The following WIPF1 variants were observed in gnomAD, a reference collection of about 807,000 sequenced individuals.
WIPF1 encodes WAS/WASL interacting protein family member 1.
Under a neutral mutation model 35.4 loss-of-function variants are expected in WIPF1, and 13 were observed. The ratio of observed to expected loss-of-function variants is 0.37; its 90% CI spans 0.24 to 0.58. WIPF1 has a LOEUF of 0.58. Ranked by LOEUF, WIPF1 falls within the 20% of genes least tolerant of loss-of-function variation. The probability of loss-of-function intolerance (pLI) is 0.74; values close to 1 mark genes in which losing one functional copy is unlikely to be tolerated. For synonymous variants in WIPF1, 267 were observed against 266.3 expected (o/e 1.00, Z -0.02); for missense variants, 591 against 667.0 (o/e 0.89, Z 1.25).
Position 174,585,685 on chromosome 2 carries a change from C to T in WIPF1, c.-38-74G>A, listed in dbSNP as rs895481762. ...CTGTCCTAATCTGTCTTCACTTTCCCACCAAAGTGACAGCTCCACCTAGCT... is the reference window on the plus strand; with the variant it reads ...CTGTCCTAATCTGTCTTCACTTTCCTACCAAAGTGACAGCTCCACCTAGCT... On this transcript the variant is annotated intron_variant, in intron 1 of 7. Coordinates refer to ENST00000679041, the MANE Select transcript of WIPF1 (RefSeq NM_001375834.1). 2.1e-5 allele frequency: 23 copies of T among 1,096,940 alleles called. No individual in the cohort carries two copies. The Admixed American group carries it at 3.4e-4, about 16-fold the overall frequency. The allele number at this position is 1,096,940 out of a possible 1,614,324, so 68.0% of individuals were successfully genotyped here.
intron 7 of WIPF1, among the ~76,000 whole-genome samples, chr2:174,562,917 C>G (rs1684525600): frequency 6.6e-6 from 1 of 152,092 alleles, no homozygotes; most frequent in Non-Finnish European, 1.5e-5. Context: ...AAGAACTCAC[C>G]CATTCCTCCA....
At chr2:174,677,540 T>C (rs1477944478) in intron 1 of WIPF1, among the ~76,000 whole-genome samples, 1 of 152,158 alleles carries the variant, frequency 6.6e-6, no homozygotes, top group African/African-American at 2.4e-5. Flanking sequence ...AATCAGCAAA[T>C]GGAGAAGAGA....
chr2:174,673,677 T>G (rs1688067627), intron 1 of WIPF1: 1 of 152,280 alleles, frequency 6.6e-6, no homozygotes, highest in African/African-American at 2.4e-5. Context: ...TTTGGCAGAA[T>G]GTACGCACTT....
intron 1 of WIPF1, chr2:174,625,591 G>A (rs1459322207): frequency 3.3e-5 from 5 of 152,200 alleles, no homozygotes; most frequent in Admixed American, 6.5e-5. Flanking sequence ...TAGGCTGGTG[G>A]AGGGTCCAAT....
chr2:174,678,797 C>T (rs530154593), intron 1 of WIPF1, among the ~76,000 whole-genome samples: 1 of 152,378 alleles, frequency 6.6e-6, no homozygotes, highest in East Asian at 1.9e-4. Context: ...TAAGCAGATA[C>T]TGCGGGCTGG....
intron 1 of WIPF1, among the ~76,000 whole-genome samples, chr2:174,655,019 T>G (rs1443174573): frequency 4.6e-5 from 7 of 152,222 alleles, no homozygotes; most frequent in Admixed American, 4.6e-4. Flanking sequence ...TAACTTGGTA[T>G]GTCCACGCTG....
chr2:174,585,555 G>T lies in WIPF1; in HGVS notation c.19C>A (p.Pro7Thr), dbSNP rs755493514. The change falls in exon 2 of 8, where the codon CCA becomes ACA. Residue 7 changes from proline to threonine, a missense_variant. By Grantham distance (38) the Pro-to-Thr change is conservative. Coordinates refer to ENST00000679041, the MANE Select transcript of WIPF1 (RefSeq NM_001375834.1). Reference protein sequence around the residue: MPVPPPPAPPPPPTFAL... With the variant: MPVPPPTAPPPPPTFAL... ...AACGTCGGGGGCGGCGGGGGTGCTG[G>T]AGGGGGAGGGACAGGCATCTTGGGC... 6.2e-7 allele frequency: 1 copy of T among 1,611,238 alleles called. No homozygotes were observed. The highest frequency in any genetic ancestry group is 1.3e-5 in the African/African-American group (1 of 74,644).
At chr2:174,636,711 G>T (rs1323864237) in intron 1 of WIPF1, among the ~76,000 whole-genome samples, 1 of 152,180 alleles carries the variant, frequency 6.6e-6, no homozygotes, top group East Asian at 1.9e-4. Context: ...ACAGTTTTGA[G>T]AAATACTGGT....
At chr2:174,682,490 C>G (rs1159690465) in intron 1 of WIPF1, among the ~76,000 whole-genome samples, 1 of 152,100 alleles carries the variant, frequency 6.6e-6, no homozygotes, top group African/African-American at 2.4e-5. Context: ...GAGCTCAGCC[C>G]GAGGCGCGGG....
chr2:174,649,154 C>T (rs986871928), intron 1 of WIPF1, among the ~76,000 whole-genome samples: 5 of 152,238 alleles, frequency 3.3e-5, no homozygotes, highest in African/African-American at 1.2e-4. Flanking sequence ...GTGTTTTCAT[C>T]ATCAGGCCAT....
At position 174,592,615 on chromosome 2, in the gene WIPF1, T is replaced by A. The variant is rs1300749024; in HGVS notation, c.-39+4986A>T. 3.3e-5 allele frequency among the ~76,000 whole-genome samples: 5 copies of A among 150,674 alleles called. No individual in the cohort carries two copies. The East Asian group carries it at 9.6e-4, about 29-fold the overall frequency. ...TACATTTATTTATTGATTTTTTTTTTTTTTTTTTGAGACAGAGTCTGGCTC... is the reference window on the plus strand; with the variant it reads ...TACATTTATTTATTGATTTTTTTTTATTTTTTTTGAGACAGAGTCTGGCTC... On this transcript the variant is annotated intron_variant, in intron 1 of 7. Transcript: ENST00000679041.
At chr2:174,577,739 A>G (rs906757553) in intron 3 of WIPF1, among the ~76,000 whole-genome samples, 1 of 152,144 alleles carries the variant, frequency 6.6e-6, no homozygotes, top group African/African-American at 2.4e-5. Flanking sequence ...CAGTCTGAGC[A>G]ATATGGTGAG....
chr2:174,571,564 C>T lies in WIPF1; in HGVS notation c.1129+112G>A. 6.9e-7 allele frequency: 1 copy of T among 1,449,644 alleles called. No homozygotes were observed. 89.8% of individuals were successfully genotyped at this position (1,449,644 alleles called of 1,614,324 possible). A position where few individuals can be genotyped will look rare whatever the true frequency, so the allele number is the denominator to read the frequency against. On this transcript the variant is annotated intron_variant, in intron 5 of 7. Coordinates refer to ENST00000679041, the MANE Select transcript of WIPF1 (RefSeq NM_001375834.1). This position sits in a 1 kb window ranked among gnomAD's most constrained non-coding sequence, Gnocchi z 4.6. ...TCGTGTGCCACTTAAAAGCACAAAG[C>T]AGTCTGAGTTTACTTATGCCTGCTT... is the stretch of plus-strand genomic sequence containing the variant.
At chr2:174,579,030 T>G (rs1369056494) in intron 3 of WIPF1, among the ~76,000 whole-genome samples, 1 of 152,214 alleles carries the variant, frequency 6.6e-6, no homozygotes, top group Non-Finnish European at 1.5e-5. Context: ...TTTTTTTGTT[T>G]TTTTGAGATG....
intron 1 of WIPF1, among the ~76,000 whole-genome samples, chr2:174,593,099 C>A (rs1685676404): frequency 6.7e-6 from 1 of 149,680 alleles, no homozygotes; most frequent in Admixed American, 6.6e-5. Flanking sequence ...TTGTATTTAA[C>A]CACTAAAGGA....
At chr2:174,644,147 T>C (rs1247506880) in intron 1 of WIPF1, among the ~76,000 whole-genome samples, 1 of 152,170 alleles carries the variant, frequency 6.6e-6, no homozygotes, top group Admixed American at 6.5e-5. Flanking sequence ...TGCTCTTAAT[T>C]AGTATAGTAC....
chr2:174,582,433 C>T (rs1277941763), intron 2 of WIPF1, among the ~76,000 whole-genome samples: 1 of 152,218 alleles, frequency 6.6e-6, no homozygotes, highest in Non-Finnish European at 1.5e-5. Context: ...CCCACAGGTC[C>T]TTTCTAGGCT....
intron 1 of WIPF1, among the ~76,000 whole-genome samples, chr2:174,610,457 T>A (rs1038410318): frequency 6.6e-6 from 1 of 152,082 alleles, no homozygotes; most frequent in African/African-American, 2.4e-5. Context: ...ATTGACTAGT[T>A]TGGGAATAAC....
chr2:174,650,183 C>G (rs1232083462), intron 1 of WIPF1, among the ~76,000 whole-genome samples: 1 of 152,174 alleles, frequency 6.6e-6, no homozygotes, highest in African/African-American at 2.4e-5. Flanking sequence ...TGCCCCCTTA[C>G]TCTACCACTG....
Sources: gnomAD v4.1 joint callset for allele counts (sites outside exome capture counted in the v4.1 genomes callset) on GRCh38, gnomAD v4.1.1 for gene constraint, Gnocchi (gnomAD v3.1) non-coding constraint, MANE v1.5 for transcripts, NCBI Gene and HGNC (gene_info 2026-07-23, HGNC 2026-07-21) for gene names.